The following TMEM255B variants were observed in gnomAD, a reference collection of about 807,000 sequenced individuals.
TMEM255B encodes the protein family with sequence similarity 70, member B.
In TMEM255B, 35 loss-of-function variants were observed where a neutral mutation model predicts 34.5. That is an observed-to-expected ratio of 1.01 (90% CI 0.77 to 1.34). The LOEUF (loss-of-function observed/expected upper bound fraction) is 1.34. Ranked by LOEUF, TMEM255B falls within the 40% of genes most tolerant of loss-of-function variation. The pLI is 0.00. For missense variants in TMEM255B, 432 were observed against 433.2 expected (o/e 1.00, Z 0.02); for synonymous variants, 206 against 201.2 (o/e 1.02, Z -0.20).
chr13:113,768,362 C>T (rs1201146897), intron 2 of TMEM255B: 10 of 413,616 alleles, frequency 2.4e-5, no homozygotes, highest in African/African-American at 6.2e-5. Flanking sequence ...GTGGAGGGTG[C>T]GGATGCCCGG....
At position 113,811,718 on chromosome 13, in the gene TMEM255B, CCT is replaced by C; in HGVS notation, c.814-13_814-12del. ...GTGGTCTCACCTGCTAACCCAGGGC[CCT>C]CTCTGTTTATTGCAGCCCTGCAGCC... On this transcript the variant is annotated splice_polypyrimidine_tract_variant and intron_variant, in intron 8 of 8. Transcript: ENST00000375353. 1.2e-6 allele frequency: 2 copies of C among 1,613,090 alleles called. No individual in the cohort carries two copies. Among genetic ancestry groups the C allele is most frequent in the Middle Eastern group, 1.7e-4 (1 of 5,738 alleles).
intron 3 of TMEM255B, among the ~76,000 whole-genome samples, chr13:113,777,860 C>T (rs2050605026): frequency 1.3e-5 from 2 of 152,232 alleles, no homozygotes; most frequent in Non-Finnish European, 2.9e-5. Context: ...AGTGCCTCCT[C>T]CTTGGCTGAC....
At chr13:113,779,279 G>T (rs374985260) in intron 3 of TMEM255B, among the ~76,000 whole-genome samples, 4 of 152,214 alleles carry the variant, frequency 2.6e-5, no homozygotes, top group South Asian at 2.1e-4. Context: ...CGATGTTCTT[G>T]CTCTGTCAAT....
rs537078643 is a variant in TMEM255B at position 113,769,673 on chromosome 13, C to T, written c.252+513C>T. The T allele has an allele frequency of 1.1e-3, 172 of 162,254 alleles. No individual in the cohort carries two copies. The highest frequency in any genetic ancestry group is 3.6e-3 in the African/African-American group (149 of 41,796). 10.1% of individuals were successfully genotyped at this position (162,254 alleles called of 1,614,324 possible). A position where few individuals can be genotyped will look rare whatever the true frequency, so the allele number is the denominator to read the frequency against. On this transcript the variant is annotated intron_variant, in intron 3 of 8. Coordinates refer to ENST00000375353, the MANE Select transcript of TMEM255B (RefSeq NM_182614.4). The surrounding 1 kb of genome is among the most constrained non-coding windows in gnomAD (Gnocchi z 4.2). ...AGCAATGCAGAGTGAAATCCAGACA[C>T]TGCCTGTCCATGATGTTCGTGGCTG...
At chr13:113,765,966 G>T in intron 1 of TMEM255B, 149 bp from the exon 2 acceptor site, 1 of 870,872 alleles carries the variant, frequency 1.1e-6, no homozygotes, top group Non-Finnish European at 1.8e-6. Context: ...AATGGAGGTT[G>T]GGGGTGGTCC....
intron 3 of TMEM255B, among the ~76,000 whole-genome samples, chr13:113,776,556 C>G (rs920046058): frequency 6.6e-6 from 1 of 152,230 alleles, no homozygotes. Flanking sequence ...CTGCTGGCTC[C>G]GTCCCACGGC....
intron 3 of TMEM255B, 48 bp from the exon 4 acceptor site, chr13:113,795,100 A>C (rs747308107): frequency 1.3e-6 from 2 of 1,584,472 alleles, no homozygotes; most frequent in Non-Finnish European, 1.7e-6. Flanking sequence ...GCGTTTGAAA[A>C]CCGGGGTTGG....
In TMEM255B at chr13:113,805,024, T is replaced by C. The variant is rs1179934859; in HGVS notation, c.809T>C (p.Leu270Pro). Residue 270 changes from leucine (L) to proline (P), a missense_variant, in exon 8 of 9, where the codon CTT becomes CCT. Transcript: ENST00000375353. ...ACCTGCTCGTCCTACCCTCTGCCCCTTCAGGTAGGGCCAGCATCACCTGCT... is the reference window on the plus strand; with the variant it reads ...ACCTGCTCGTCCTACCCTCTGCCCCCTCAGGTAGGGCCAGCATCACCTGCT... ...VPTCSSYPLPLQPCSRFPVAP... is the reference protein window; with the variant it reads ...VPTCSSYPLPPQPCSRFPVAP... 1.9e-6 allele frequency: 3 copies of C among 1,598,834 alleles called. No homozygotes were observed. Among genetic ancestry groups the C allele is most frequent in the Admixed American group, 1.7e-5 (1 of 58,918 alleles).
intron 3 of TMEM255B, among the ~76,000 whole-genome samples, chr13:113,782,781 G>T (rs2138544740): frequency 6.6e-6 from 1 of 152,278 alleles, no homozygotes; most frequent in African/African-American, 2.4e-5. Context: ...ACAGTTTGGT[G>T]GGGGCAGGGG....
At chr13:113,772,925 A>G (rs996150379) in intron 3 of TMEM255B, among the ~76,000 whole-genome samples, 10 of 152,152 alleles carry the variant, frequency 6.6e-5, no homozygotes, top group Non-Finnish European at 1.5e-4. Context: ...CAACTGGTCA[A>G]TTTCTACAAG....
chr13:113,787,765 C>T (rs2050767939), intron 3 of TMEM255B, among the ~76,000 whole-genome samples: 1 of 151,666 alleles, frequency 6.6e-6, no homozygotes, highest in African/African-American at 2.4e-5. Context: ...GTCAAATGCT[C>T]ATGGTGAATC....
chr13:113,800,076 GTGTT>G, intron 5 of TMEM255B: 6 of 1,191,800 alleles, frequency 5.0e-6, no homozygotes, highest in Non-Finnish European at 6.4e-6. Context: ...GTGTGTGTGT[GTGTT>G]TATGTGTGTG....
intron 1 of TMEM255B, among the ~76,000 whole-genome samples, chr13:113,764,430 C>T (rs551673555): frequency 1.4e-4 from 21 of 152,172 alleles, no homozygotes; most frequent in Admixed American, 5.9e-4. Context: ...TGGCCCGCAC[C>T]GGGCTGCGGC....
rs551002788 is a variant in TMEM255B, at chr13:113,768,812, T to C, written c.190-286T>C. Reference sequence around the variant, plus strand: ...TGGGTTCCCGAAAAGATGTTGTCTCTGGGGGAGGAGTGGGAACTTCTCTTA... The same window carrying C: ...TGGGTTCCCGAAAAGATGTTGTCTCCGGGGGAGGAGTGGGAACTTCTCTTA... On this transcript the variant is annotated intron_variant, in intron 2 of 8. Transcript: ENST00000375353. 161 of 527,276 alleles carry C rather than the reference T, an allele frequency of 3.1e-4. 3 individuals carry two copies. The highest frequency in any genetic ancestry group is 2.4e-3 in the South Asian group (156 of 64,992). The allele number at this position is 527,276 out of a possible 1,614,324, so 32.7% of individuals were successfully genotyped here. A position where few individuals can be genotyped will look rare whatever the true frequency, so the allele number is the denominator to read the frequency against.
rs996633501 is a variant in TMEM255B, at chr13:113,769,579, T to C, written c.252+419T>C. ...GTTTTTCGTCTGAGTTTGGTTAATG[T>C]TTATCTTGCCCAGACTAAGAGGAGA... is the stretch of plus-strand genomic sequence containing the variant. On this transcript the variant is annotated intron_variant, in intron 3 of 8. Transcript: ENST00000375353. This position sits in a 1 kb window ranked among gnomAD's most constrained non-coding sequence, Gnocchi z 4.2. 2 of 185,266 alleles carry C rather than the reference T, an allele frequency of 1.1e-5. No individual in the cohort carries two copies. The highest frequency in any genetic ancestry group is 4.6e-5 in the African/African-American group (2 of 43,222). The allele number at this position is 185,266 out of a possible 1,614,324, so 11.5% of individuals were successfully genotyped here.
rs1342014042 is a variant in TMEM255B, at chr13:113,815,558, A to G, written c.*3655A>G. 1 of 152,472 alleles carries G rather than the reference A, an allele frequency of 6.6e-6. No individual in the cohort carries two copies. The highest frequency in any genetic ancestry group is 2.4e-5 in the African/African-American group (1 of 41,428). The allele number at this position is 152,472 out of a possible 1,614,324, so 9.4% of individuals were successfully genotyped here. On this transcript the variant is annotated 3_prime_UTR_variant, in exon 9 of 9. Coordinates refer to ENST00000375353, the MANE Select transcript of TMEM255B (RefSeq NM_182614.4). ...CCGTGCTATTCTCGTGATAGTGAGT[A>G]AGTCTCACGAGATCTGACTGGTTGA...
intron 3 of TMEM255B, among the ~76,000 whole-genome samples, chr13:113,791,173 CAGGTTCCT>C (rs2050826785): frequency 6.6e-6 from 1 of 152,194 alleles, no homozygotes; most frequent in African/African-American, 2.4e-5. Flanking sequence ...TGGGTTGCAG[CAGGTTCCT>C]GGCTCCATGG....
intron 7 of TMEM255B, among the ~76,000 whole-genome samples, chr13:113,804,430 A>C (rs1326749882): frequency 6.6e-6 from 1 of 152,174 alleles, no homozygotes; most frequent in Non-Finnish European, 1.5e-5. Flanking sequence ...GGAGAGAAGG[A>C]AACCAGTGCT....
At position 113,772,720 on chromosome 13, in the gene TMEM255B, T is replaced by C. The variant is rs190664616; in HGVS notation, c.252+3560T>C. 3.0e-4 allele frequency among the ~76,000 whole-genome samples: 46 copies of C among 152,348 alleles called. 1 individual carries two copies. The highest frequency in any genetic ancestry group is 2.9e-3 in the Admixed American group (45 of 15,310). On this transcript the variant is annotated intron_variant, in intron 3 of 8. Coordinates refer to ENST00000375353, the MANE Select transcript of TMEM255B (RefSeq NM_182614.4). ...TTGTTGAAAATTAATTGGCCATACATATATGGTTTATTTGTGGACTTTTAA... is the reference window on the plus strand; with the variant it reads ...TTGTTGAAAATTAATTGGCCATACACATATGGTTTATTTGTGGACTTTTAA...
Sources: allele counts gnomAD v4.1 joint callset (sites outside exome capture counted in the v4.1 genomes callset), GRCh38; gene constraint gnomAD v4.1.1; non-coding constraint Gnocchi (gnomAD v3.1); transcripts MANE v1.5; gene names NCBI Gene and HGNC (gene_info 2026-07-23, HGNC 2026-07-21).